Variants in OSTF1 observed in about 807,000 individuals in gnomAD.
OSTF1 encodes the protein osteoclast-stimulating factor 1.
OSTF1 carries 27 observed loss-of-function variants against 37.2 expected under a neutral mutation model. The observed-to-expected ratio is 0.73, with a 90% confidence interval of 0.54 to 1.00. OSTF1 has a LOEUF of 1.00. Ranked by LOEUF, OSTF1 falls within the 50% of genes least tolerant of loss-of-function variation. The probability of loss-of-function intolerance (pLI) is 0.00; values close to 1 mark genes in which losing one functional copy is unlikely to be tolerated. For missense variants in OSTF1, 232 were observed against 253.8 expected (o/e 0.91, Z 0.58); for synonymous variants, 82 against 89.2 (o/e 0.92, Z 0.46).
At chr9:75,111,886 T>C (rs1350500571) in intron 1 of OSTF1, among the ~76,000 whole-genome samples, 2 of 134,648 alleles carry the variant, frequency 1.5e-5, no homozygotes, top group Non-Finnish European at 3.1e-5. Context: ...TACAATGGTG[T>C]GATCTCGGCT....
chr9:75,134,684 C>A (rs1825816002), intron 7 of OSTF1, among the ~76,000 whole-genome samples: 1 of 152,152 alleles, frequency 6.6e-6, no homozygotes, highest in Non-Finnish European at 1.5e-5. Context: ...GTACTTTGGC[C>A]TCCTGTTGGG....
intron 1 of OSTF1, among the ~76,000 whole-genome samples, chr9:75,094,358 C>CA (rs1042528808): frequency 4.8e-5 from 7 of 145,902 alleles, no homozygotes; most frequent in Non-Finnish European, 7.5e-5. Context: ...CGCTTTGATA[C>CA]AAAAAAAAGG....
intron 4 of OSTF1, among the ~76,000 whole-genome samples, chr9:75,130,982 T>C (rs1261713502): frequency 2.0e-5 from 3 of 152,238 alleles, no homozygotes; most frequent in Non-Finnish European, 1.5e-5. Context: ...TCTTTTGTGA[T>C]GGAGTAACCC....
intron 1 of OSTF1, among the ~76,000 whole-genome samples, chr9:75,114,579 G>T (rs2118502161): frequency 6.8e-6 from 1 of 148,044 alleles, no homozygotes; most frequent in South Asian, 2.1e-4. Context: ...TTGAGACAGG[G>T]TCTCTCTCTG....
chr9:75,134,863 AC>A (rs1825818904), intron 7 of OSTF1, among the ~76,000 whole-genome samples: 1 of 151,066 alleles, frequency 6.6e-6, no homozygotes, highest in South Asian at 2.1e-4. Flanking sequence ...TGCTTATATA[AC>A]CTTTTTTTGT....
chr9:75,094,665 A>G (rs201408930), intron 1 of OSTF1, among the ~76,000 whole-genome samples: 2 of 88,024 alleles, frequency 2.3e-5, no homozygotes, highest in Admixed American at 1.3e-4. Flanking sequence ...AGACTACATT[A>G]AAAAAAAAAT....
intron 1 of OSTF1, among the ~76,000 whole-genome samples, chr9:75,114,506 C>T (rs1309625805): frequency 6.6e-6 from 1 of 151,888 alleles, no homozygotes; most frequent in South Asian, 2.1e-4. Flanking sequence ...TCAGACAGTA[C>T]TGTTGTAAAC....
At chr9:75,117,600 A>G (rs747802004) in intron 2 of OSTF1, 50 bp downstream of exon 2, 2 of 1,328,574 alleles carry the variant, frequency 1.5e-6, no homozygotes, top group Non-Finnish European at 2.2e-6. Flanking sequence ...ACCTAAGATG[A>G]TTTTATTTAG....
At chr9:75,108,285 C>G (rs528712729) in intron 1 of OSTF1, among the ~76,000 whole-genome samples, 14 of 151,726 alleles carry the variant, frequency 9.2e-5, no homozygotes, top group African/African-American at 3.4e-4. Context: ...AAAAAATTTG[C>G]TTTGGAAACA....
chr9:75,089,367 G>T (rs541805511), intron 1 of OSTF1, among the ~76,000 whole-genome samples: 15 of 151,898 alleles, frequency 9.9e-5, no homozygotes, highest in African/African-American at 3.4e-4. Flanking sequence ...CTTTGCCTTT[G>T]CTCTCCCAAA....
chr9:75,125,254 G>A (rs1825643794), intron 2 of OSTF1, among the ~76,000 whole-genome samples: 1 of 152,174 alleles, frequency 6.6e-6, no homozygotes, highest in African/African-American at 2.4e-5. Context: ...TGGGATGCTG[G>A]CGTGCGGAGA....
intron 2 of OSTF1, 57 bp downstream of exon 2, chr9:75,117,607 T>G: frequency 1.6e-6 from 2 of 1,258,800 alleles, no homozygotes; most frequent in Non-Finnish European, 2.3e-6. Flanking sequence ...ATGATTTTAT[T>G]TAGACATTTC....
At position 75,127,400 on chromosome 9, in the gene OSTF1, G is replaced by A. The variant is rs543713727; in HGVS notation, c.82-169G>A. Among the ~76,000 whole-genome samples, 22 of 152,200 alleles carry A rather than the reference G, an allele frequency of 1.4e-4. No individual in the cohort carries two copies. In the South Asian group the frequency reaches 2.1e-3, roughly 14 times the overall value. On this transcript the variant is annotated intron_variant, in intron 2 of 9. Transcript: ENST00000346234. ...TTCATCATGGGAAAAAAATCTAGCC[G>A]TCTATTCATGTGTTAATTTTTCAGT... is the stretch of plus-strand genomic sequence containing the variant.
intron 1 of OSTF1, among the ~76,000 whole-genome samples, chr9:75,091,615 T>C (rs1009376): frequency 0.091 from 13,800 of 152,226 alleles, 722 homozygotes; most frequent in South Asian, 0.17. Flanking sequence ...CAGCATGGGA[T>C]TGGGGGCTTT....
intron 9 of OSTF1, among the ~76,000 whole-genome samples, chr9:75,144,238 A>C (rs1825986469): frequency 1.3e-5 from 2 of 152,190 alleles, no homozygotes; most frequent in South Asian, 4.1e-4. Context: ...GGAGACTTCC[A>C]GTAGCTTGAA....
chr9:75,097,643 G>C (rs575558436), intron 1 of OSTF1, among the ~76,000 whole-genome samples: 1 of 152,236 alleles, frequency 6.6e-6, no homozygotes, highest in East Asian at 1.9e-4. Context: ...GGTCTCCAGA[G>C]TTGGTATTAC....
chr9:75,116,732 A>G (rs1230631840), intron 1 of OSTF1, among the ~76,000 whole-genome samples: 2 of 151,508 alleles, frequency 1.3e-5, no homozygotes, highest in Non-Finnish European at 2.9e-5. Flanking sequence ...TTATGTTAAG[A>G]TGGTCATGTT....
intron 1 of OSTF1, among the ~76,000 whole-genome samples, chr9:75,090,419 C>G (rs1055727277): frequency 1.4e-4 from 22 of 151,916 alleles, no homozygotes; most frequent in African/African-American, 5.1e-4. Context: ...CCAGGAACCT[C>G]CTTTCTCCTT....
chr9:75,132,530 C>T (rs1315748959), intron 5 of OSTF1, among the ~76,000 whole-genome samples: 1 of 152,182 alleles, frequency 6.6e-6, no homozygotes, highest in Admixed American at 6.5e-5. Context: ...CTACAGCACA[C>T]AGGAGCACCC....
Sources: gnomAD v4.1 joint callset for allele counts (sites outside exome capture counted in the v4.1 genomes callset) on GRCh38, gnomAD v4.1.1 for gene constraint, MANE v1.5 for transcripts, NCBI Gene and HGNC (gene_info 2026-07-23, HGNC 2026-07-21) for gene names.